ASAP1: variants seen among roughly 807,000 people sequenced by gnomAD.
ASAP1 encodes ArfGAP with SH3 domain, ankyrin repeat and PH domain 1, also known as arf-GAP with SH3 domain, ANK repeat and PH domain-containing protein 1.
ASAP1 carries 43 observed loss-of-function variants against 145.2 expected under a neutral mutation model. That is an observed-to-expected ratio of 0.30 (90% CI 0.23 to 0.38). The LOEUF (loss-of-function observed/expected upper bound fraction) is 0.38, where lower values mean the gene tolerates loss of function less well. Ranked by LOEUF, ASAP1 falls within the 10% of genes least tolerant of loss-of-function variation. The pLI is 1.00. For synonymous variants in ASAP1, 546 were observed against 515.5 expected (o/e 1.06, Z -0.80); for missense variants, 1,018 against 1,355.3 (o/e 0.75, Z 3.91).
chr8:130,204,184 T>C (rs1472284063), intron 5 of ASAP1, among the ~76,000 whole-genome samples: 3 of 152,156 alleles, frequency 2.0e-5, no homozygotes. Flanking sequence ...GACGGAACCC[T>C]ACTGTGAACT....
intron 5 of ASAP1, among the ~76,000 whole-genome samples, chr8:130,213,757 G>C (rs936092687): frequency 6.6e-6 from 1 of 152,192 alleles, no homozygotes; most frequent in African/African-American, 2.4e-5. Context: ...GTGGCTCTTA[G>C]AGAAATAATT....
intron 3 of ASAP1, among the ~76,000 whole-genome samples, chr8:130,267,933 G>A (rs1317497289): frequency 2.0e-5 from 3 of 152,222 alleles, no homozygotes; most frequent in African/African-American, 7.2e-5. Context: ...TTTGTGGCTA[G>A]TGGTGTTACA....
intron 2 of ASAP1, among the ~76,000 whole-genome samples, chr8:130,366,332 A>G (rs1224217599): frequency 6.6e-6 from 1 of 152,184 alleles, no homozygotes; most frequent in Non-Finnish European, 1.5e-5. Context: ...GCCCCACAGT[A>G]CTCACCTAGT....
intron 11 of ASAP1, among the ~76,000 whole-genome samples, chr8:130,163,554 C>T (rs2097673917): frequency 6.6e-6 from 1 of 152,198 alleles, no homozygotes; most frequent in Admixed American, 6.5e-5. Context: ...GAATGAGTTT[C>T]ATGGCTTAAT....
intron 12 of ASAP1, among the ~76,000 whole-genome samples, chr8:130,157,339 T>A (rs1406566107): frequency 6.6e-6 from 1 of 152,178 alleles, no homozygotes; most frequent in Admixed American, 6.5e-5. Context: ...AGGGGTGATT[T>A]TCTTTCTCTA....
At chr8:130,375,547 C>T (rs1472133288) in intron 2 of ASAP1, among the ~76,000 whole-genome samples, 2 of 137,390 alleles carry the variant, frequency 1.5e-5, no homozygotes, top group African/African-American at 5.6e-5. Context: ...GTTGGACTCT[C>T]GAGGGAAAAA....
intron 1 of ASAP1, among the ~76,000 whole-genome samples, chr8:130,430,026 T>C (rs1307871271): frequency 6.6e-6 from 1 of 152,176 alleles, no homozygotes; most frequent in Non-Finnish European, 1.5e-5. Context: ...GATCATCGGC[T>C]TGAAGTCAGG....
chr8:130,355,579 T>G lies in ASAP1; in HGVS notation c.186+2438A>C, dbSNP rs143371426. Among the ~76,000 whole-genome samples, 112 of 152,338 alleles carry G rather than the reference T, an allele frequency of 7.4e-4. 2 individuals carry two copies. The East Asian group carries it at 0.021, about 29-fold the overall frequency. On this transcript the variant is annotated intron_variant, in intron 3 of 29. Coordinates refer to ENST00000518721, the MANE Select transcript of ASAP1 (RefSeq NM_018482.4). ...TTAAAGTTTCCAAATATCTCAGTTGTGAAGCATATGCCAACAAGATTTTGT... is the reference window on the plus strand; with the variant it reads ...TTAAAGTTTCCAAATATCTCAGTTGGGAAGCATATGCCAACAAGATTTTGT...
At chr8:130,266,784 A>G (rs1000321125) in intron 3 of ASAP1, among the ~76,000 whole-genome samples, 1 of 152,180 alleles carries the variant, frequency 6.6e-6, no homozygotes, top group East Asian at 1.9e-4. Flanking sequence ...GAAAAGAACA[A>G]GACACTATGA....
At chr8:130,283,587 GA>G (rs71304303) in intron 3 of ASAP1, among the ~76,000 whole-genome samples, 39 of 20,878 alleles carry the variant, frequency 1.9e-3, no homozygotes, top group Non-Finnish European at 2.9e-3. Flanking sequence ...ATCACAGAAA[GA>G]AAAAAAAAAA....
At chr8:130,364,868 T>G (rs192470179) in intron 2 of ASAP1, among the ~76,000 whole-genome samples, 1 of 152,270 alleles carries the variant, frequency 6.6e-6, no homozygotes, top group East Asian at 1.9e-4. Context: ...AGTTTGAGGC[T>G]GCCGTGAGCT....
intron 5 of ASAP1, among the ~76,000 whole-genome samples, chr8:130,199,931 C>T (rs574336874): frequency 1.6e-4 from 24 of 152,318 alleles, no homozygotes; most frequent in Admixed American, 3.3e-4. Flanking sequence ...TTAGTATAGT[C>T]CATCCACAAT....
chr8:130,068,316 A>T (rs1488275333), intron 27 of ASAP1, among the ~76,000 whole-genome samples: 1 of 152,202 alleles, frequency 6.6e-6, no homozygotes, highest in African/African-American at 2.4e-5. Flanking sequence ...CTAGCCTTAA[A>T]GTTACCCACA....
At chr8:130,437,747 C>T (rs761203124) in intron 1 of ASAP1, among the ~76,000 whole-genome samples, 9 of 152,174 alleles carry the variant, frequency 5.9e-5, no homozygotes, top group Non-Finnish European at 1.2e-4. Flanking sequence ...CCAGAAGCCG[C>T]GGGTGGGCGC....
At chr8:130,185,205 A>T (rs1814635443) in intron 7 of ASAP1, among the ~76,000 whole-genome samples, 1 of 152,202 alleles carries the variant, frequency 6.6e-6, no homozygotes, top group African/African-American at 2.4e-5. Flanking sequence ...AAAATTGTTG[A>T]CAGGGATTTA....
In ASAP1 at chr8:130,355,770, T is replaced by TA. The variant is rs1008741316; in HGVS notation, c.186+2246dup. Among the ~76,000 whole-genome samples the TA allele has an allele frequency of 3.9e-5, 6 of 152,152 alleles. 1 individual carries two copies. Among genetic ancestry groups the TA allele is most frequent in the Admixed American group, 3.9e-4 (6 of 15,272 alleles). The stretch of plus-strand genomic sequence containing the variant: ...TTCAACTATGGTGGCTATCCTTCAG[T>TA]AAAAAAACCTAAAGCATACTTTTCA... On this transcript the variant is annotated intron_variant, in intron 3 of 29. Transcript: ENST00000518721.
At chr8:130,121,871 C>T (rs1489828253) in intron 18 of ASAP1, among the ~76,000 whole-genome samples, 1 of 149,740 alleles carries the variant, frequency 6.7e-6, no homozygotes, top group Non-Finnish European at 1.5e-5. Context: ...TAAAACCTCT[C>T]AATCACACTT....
At chr8:130,058,765 A>G (rs529644280) in intron 28 of ASAP1, among the ~76,000 whole-genome samples, 1 of 152,282 alleles carries the variant, frequency 6.6e-6, no homozygotes, top group Admixed American at 6.5e-5. Context: ...AAAAAAAGCA[A>G]GCTGTCTCTT....
chr8:130,162,829 A>AAC (rs1433381118), intron 11 of ASAP1: 11 of 152,090 alleles, frequency 7.2e-5, no homozygotes, highest in Admixed American at 3.3e-4. Context: ...AAAAAAAAAA[A>AAC]AAACAAACAA....
Sources: allele counts gnomAD v4.1 joint callset (sites outside exome capture counted in the v4.1 genomes callset), GRCh38; gene constraint gnomAD v4.1.1; transcripts MANE v1.5; gene names NCBI Gene and HGNC (gene_info 2026-07-23, HGNC 2026-07-21).